The following TRDN variants were observed in gnomAD, a reference collection of about 807,000 sequenced individuals.
TRDN encodes triadin, also known as triadin in skeletal muscle.
Under a neutral mutation model 149.7 loss-of-function variants are expected in TRDN, and 161 were observed. The observed-to-expected ratio is 1.08, with a 90% CI of 0.95 to 1.23. The LOEUF (loss-of-function observed/expected upper bound fraction) is 1.23, where lower values mean the gene tolerates loss of function less well. Ranked by LOEUF, TRDN falls within the 50% of genes most tolerant of loss-of-function variation. The probability of loss-of-function intolerance (pLI) is 0.00; values close to 1 mark genes in which losing one functional copy is unlikely to be tolerated. For synonymous variants in TRDN, 294 were observed against 250.5 expected, an observed-to-expected ratio of 1.17 and a Z score of -1.64; for missense variants, 896 against 823.5, an observed-to-expected ratio of 1.09 and a Z score of -1.08.
chr6:123,495,246 C>A (rs574440346), intron 9 of TRDN, among the ~76,000 whole-genome samples: 1 of 151,820 alleles, frequency 6.6e-6, no homozygotes, highest in Non-Finnish European at 1.5e-5. Flanking sequence ...TTGCCAGTTG[C>A]AGTGGCTCAT....
chr6:123,549,587 C>T (rs1781285512), intron 2 of TRDN, among the ~76,000 whole-genome samples: 1 of 151,984 alleles, frequency 6.6e-6, no homozygotes, highest in Non-Finnish European at 1.5e-5. Flanking sequence ...TTAAGTACAT[C>T]TAATTAGGCT....
At chr6:123,400,167 G>GTATGTATATATATATATATATA (rs1554232310) in intron 12 of TRDN, among the ~76,000 whole-genome samples, 2 of 123,396 alleles carry the variant, frequency 1.6e-5, no homozygotes, top group African/African-American at 6.0e-5. Context: ...ATATGTATGT[G>GTATGTATATATATATATATATA]TATATATATA....
chr6:123,624,333 A>G (rs994930189), intron 1 of TRDN, among the ~76,000 whole-genome samples: 2 of 152,114 alleles, frequency 1.3e-5, no homozygotes, highest in Non-Finnish European at 2.9e-5. Context: ...GACCAACAAG[A>G]CACTTCAAAT....
At chr6:123,283,675 TAC>T (rs1189027802) in intron 24 of TRDN, among the ~76,000 whole-genome samples, 1 of 151,356 alleles carries the variant, frequency 6.6e-6, no homozygotes. Flanking sequence ...TGAACACCTT[TAC>T]ACACACAAGC....
intron 1 of TRDN, among the ~76,000 whole-genome samples, chr6:123,627,116 G>A (rs1410046212): frequency 2.0e-5 from 3 of 151,900 alleles, no homozygotes; most frequent in African/African-American, 7.3e-5. Context: ...TTTTAGTACA[G>A]GCAGGGTTTC....
chr6:123,270,786 A>C (rs1351475531), intron 30 of TRDN, among the ~76,000 whole-genome samples: 1 of 151,962 alleles, frequency 6.6e-6, no homozygotes, highest in East Asian at 1.9e-4. Flanking sequence ...AAAGTTTCAG[A>C]CTTCTGTAAT....
At chr6:123,631,116 C>CT (rs200458146) in intron 1 of TRDN, among the ~76,000 whole-genome samples, 6,951 of 141,324 alleles carry the variant, frequency 0.049, 357 homozygotes, top group East Asian at 0.16. Context: ...TCACAATCTG[C>CT]TTTTTTTTTT....
At position 123,279,091 on chromosome 6, in the gene TRDN, A is replaced by T. The variant is rs1322697167; in HGVS notation, c.1511-9T>A. 1 of 1,604,894 alleles carries T rather than the reference A, an allele frequency of 6.2e-7. No homozygotes were observed. The highest frequency in any genetic ancestry group is 1.3e-5 in the African/African-American group (1 of 74,718). Reference sequence around the variant, plus strand: ...AGGCTTGACTTCTTTGCCTAGAAAAAAGTAAAAAAATTATTAAAGGCTGAG... The same window carrying T: ...AGGCTTGACTTCTTTGCCTAGAAAATAGTAAAAAAATTATTAAAGGCTGAG... On this transcript the variant is annotated splice_polypyrimidine_tract_variant and intron_variant, in intron 24 of 40. Transcript: ENST00000334268.
In TRDN at chr6:123,484,417, A is replaced by G. The variant is rs1047830623; in HGVS notation, c.853+12776T>C. 3.9e-5 allele frequency among the ~76,000 whole-genome samples: 6 copies of G among 152,180 alleles called. 1 individual carries two copies. Among genetic ancestry groups the G allele is most frequent in the East Asian group, 3.8e-4 (2 of 5,196 alleles). ...TGTAATTTTCTAGAGTTCTTTTTCA[A>G]TCTTCACTTGTGCATATAAACTAAC... On this transcript the variant is annotated intron_variant, in intron 9 of 40. Transcript: ENST00000334268.
intron 10 of TRDN, chr6:123,441,217 T>C (rs1303052634): frequency 6.6e-6 from 1 of 152,176 alleles, no homozygotes; most frequent in African/African-American, 2.4e-5. Flanking sequence ...TACTTGGATA[T>C]AAAAATAACC....
chr6:123,443,541 T>G (rs12193684), intron 10 of TRDN, among the ~76,000 whole-genome samples: 1 of 151,764 alleles, frequency 6.6e-6, no homozygotes, highest in South Asian at 2.1e-4. Context: ...ACCTGTAATC[T>G]CAGCACTTTG....
chr6:123,329,975 T>C (rs191291670), intron 23 of TRDN, among the ~76,000 whole-genome samples: 209 of 152,120 alleles, frequency 1.4e-3, no homozygotes, highest in Non-Finnish European at 2.5e-3. Flanking sequence ...CAACATGATA[T>C]ATGTTGCCCC....
chr6:123,269,021 T>C (rs1463268624), intron 31 of TRDN, among the ~76,000 whole-genome samples: 1 of 152,018 alleles, frequency 6.6e-6, no homozygotes, highest in Non-Finnish European at 1.5e-5. Flanking sequence ...TTGGGTCTTG[T>C]GAAGCTATTT....
chr6:123,277,649 C>A (rs535987338), intron 26 of TRDN, among the ~76,000 whole-genome samples: 6 of 152,194 alleles, frequency 3.9e-5, no homozygotes, highest in Admixed American at 6.5e-5. Flanking sequence ...AGCCAAGGAA[C>A]ACCAAGGATT....
rs10547981 is a variant in TRDN, at chr6:123,551,203, G to GATATATATATATATATATATATATATAT, written c.233-2592_233-2591insATATATATATATATATATATATATATAT. On this transcript the variant is annotated intron_variant, in intron 2 of 40. Coordinates refer to ENST00000334268, the MANE Select transcript of TRDN (RefSeq NM_006073.4). Reference sequence around the variant, plus strand: ...TTAAATGCACTGTATGTATTTTGCAGATATATATATATATATATATTGCCT... The same window carrying GATATATATATATATATATATATATATAT: ...TTAAATGCACTGTATGTATTTTGCAGATATATATATATATATATATATATATATATATATATATATATATATATTGCCT... Among the ~76,000 whole-genome samples, 1,083 of 117,654 alleles carry GATATATATATATATATATATATATATAT rather than the reference G, an allele frequency of 9.2e-3. 67 individuals are homozygous for GATATATATATATATATATATATATATAT. Among genetic ancestry groups the GATATATATATATATATATATATATATAT allele is most frequent in the Non-Finnish European group, 0.014 (743 of 53,128 alleles). 77.2% of individuals were successfully genotyped at this position (117,654 alleles called of 152,430 possible).
At chr6:123,292,106 A>G (rs1582830222) in intron 24 of TRDN, among the ~76,000 whole-genome samples, 1 of 152,144 alleles carries the variant, frequency 6.6e-6, no homozygotes, top group South Asian at 2.1e-4. Flanking sequence ...CCTTCGGCCC[A>G]TGGATCTTGA....
chr6:123,585,798 G>A (rs555560116), intron 1 of TRDN, among the ~76,000 whole-genome samples: 1 of 152,018 alleles, frequency 6.6e-6, no homozygotes, highest in Non-Finnish European at 1.5e-5. Context: ...TGCCCGCTGT[G>A]GTTCAGGCAT....
chr6:123,540,480 C>G lies in TRDN; in HGVS notation c.424+6860G>C, dbSNP rs1192819290. Among the ~76,000 whole-genome samples, 114 of 152,058 alleles carry G rather than the reference C, an allele frequency of 7.5e-4. 1 individual carries two copies. Among genetic ancestry groups the G allele is most frequent in the Non-Finnish European group, 4.4e-5 (3 of 67,984 alleles). ...TATCAAGTCATTTCAGAAGCCAACT[C>G]TATTTATGCCTTTTAATCACTTGAA... is the stretch of plus-strand genomic sequence containing the variant. On this transcript the variant is annotated intron_variant, in intron 4 of 40. Transcript: ENST00000334268.
intron 1 of TRDN, among the ~76,000 whole-genome samples, chr6:123,635,690 A>T (rs1407554717): frequency 6.6e-6 from 1 of 151,934 alleles, no homozygotes; most frequent in African/African-American, 2.4e-5. Context: ...AAAAACAAAT[A>T]TTCTATTTTT....
Sources: gnomAD v4.1 joint callset for allele counts (sites outside exome capture counted in the v4.1 genomes callset) on GRCh38, gnomAD v4.1.1 for gene constraint, MANE v1.5 for transcripts, NCBI Gene and HGNC (gene_info 2026-07-23, HGNC 2026-07-21) for gene names.